ST3GAL1: variants seen among roughly 807,000 people sequenced by gnomAD.
ST3GAL1 encodes the protein ST3 beta-galactoside alpha-2,3-sialyltransferase 1.
ST3GAL1 carries 16 observed loss-of-function variants against 34.1 expected under a neutral mutation model. The observed-to-expected ratio is 0.47, with a 90% CI of 0.32 to 0.71. The LOEUF (loss-of-function observed/expected upper bound fraction) is 0.71, where lower values mean the gene tolerates loss of function less well. Ranked by LOEUF, ST3GAL1 falls within the 30% of genes least tolerant of loss-of-function variation. ST3GAL1 has a pLI of 0.04. For synonymous variants in ST3GAL1, 191 were observed against 184.7 expected (o/e 1.03, Z -0.28); for missense variants, 353 against 447.4 (o/e 0.79, Z 1.90).
chr8:133,533,113 T>C (rs979743267), intron 2 of ST3GAL1, among the ~76,000 whole-genome samples: 1 of 152,176 alleles, frequency 6.6e-6, no homozygotes, highest in African/African-American at 2.4e-5. Flanking sequence ...AATCCCTGGA[T>C]TTCCATGGAA....
At chr8:133,536,843 A>T (rs1818326302) in intron 2 of ST3GAL1, among the ~76,000 whole-genome samples, 1 of 152,164 alleles carries the variant, frequency 6.6e-6, no homozygotes, top group Admixed American at 6.5e-5. Flanking sequence ...CAAGTCTCAG[A>T]AAGTGTTATT....
intron 2 of ST3GAL1, among the ~76,000 whole-genome samples, chr8:133,535,651 A>C (rs762068820): frequency 5.9e-5 from 9 of 151,944 alleles, no homozygotes; most frequent in Admixed American, 4.6e-4. Flanking sequence ...ATTCCCGGCT[A>C]ATGTTTTCAC....
Position 133,461,792 on chromosome 8 carries a change from G to A in ST3GAL1, c.849+83C>T. Reference sequence around the variant, plus strand: ...CGGAAGAGGCAGGCTAGGTCTACCTGCCCTCCCCCTCCCTGGCCTCTCTTG... The same window carrying A: ...CGGAAGAGGCAGGCTAGGTCTACCTACCCTCCCCCTCCCTGGCCTCTCTTG... On this transcript the variant is annotated intron_variant, in intron 9 of 9. Transcript: ENST00000522652. The surrounding 1 kb of genome is among the most constrained non-coding windows in gnomAD (Gnocchi z 4.7). The A allele has an allele frequency of 6.3e-7, 1 of 1,580,766 alleles. No homozygotes were observed. Among genetic ancestry groups the A allele is most frequent in the Non-Finnish European group, 8.6e-7 (1 of 1,159,054 alleles).
In ST3GAL1 at chr8:133,455,438, T is replaced by G. The variant is rs1231097305; in HGVS notation, c.*4326A>C. ...AGATGCTGTCTTGCCTGTCTCTGCC[T>G]TTTCTTCTAAGTTTTCCTCCTTTTC... On this transcript the variant is annotated 3_prime_UTR_variant, in exon 10 of 10. Transcript: ENST00000522652. 1.3e-5 allele frequency: 2 copies of G among 152,274 alleles called. No individual in the cohort carries two copies. Among genetic ancestry groups the G allele is most frequent in the Non-Finnish European group, 2.9e-5 (2 of 68,058 alleles). The allele number at this position is 152,274 out of a possible 1,614,324, so 9.4% of individuals were successfully genotyped here.
At chr8:133,489,578 G>A (rs1312618403) in intron 3 of ST3GAL1, 1 of 152,244 alleles carries the variant, frequency 6.6e-6, no homozygotes, top group African/African-American at 2.4e-5. Flanking sequence ...ACACTGATAG[G>A]GTCTTTGGCA....
chr8:133,470,969 C>T (rs1815930455), intron 5 of ST3GAL1, among the ~76,000 whole-genome samples: 1 of 152,134 alleles, frequency 6.6e-6, no homozygotes, highest in Non-Finnish European at 1.5e-5. Context: ...CAGGCCACAC[C>T]CGTCCCGAGA....
At chr8:133,562,371 A>G (rs531196515) in intron 1 of ST3GAL1, among the ~76,000 whole-genome samples, 20 of 151,674 alleles carry the variant, frequency 1.3e-4, no homozygotes, top group African/African-American at 3.4e-4. Flanking sequence ...CATCATGTCC[A>G]GATAATTTTT....
chr8:133,496,808 C>CT, intron 3 of ST3GAL1, among the ~76,000 whole-genome samples: 2 of 152,220 alleles, frequency 1.3e-5, no homozygotes, highest in African/African-American at 4.8e-5. Flanking sequence ...ATTGTCCAGG[C>CT]CACGGCACCC....
chr8:133,479,209 G>A (rs1335005563), intron 3 of ST3GAL1, among the ~76,000 whole-genome samples: 1 of 125,378 alleles, frequency 8.0e-6, no homozygotes, highest in African/African-American at 3.0e-5. Context: ...CCTGGACAAG[G>A]TGGCTGGGGT....
chr8:133,465,021 A>C lies in ST3GAL1; in HGVS notation c.504-64T>G, dbSNP rs1035852013. On this transcript the variant is annotated intron_variant, in intron 6 of 9. Transcript: ENST00000522652. ...GGCACCCGTTCTCAGACAGCCTGAGAGCTCCGAGAGAGTGAGCCTCCAGTG... is the reference window on the plus strand; with the variant it reads ...GGCACCCGTTCTCAGACAGCCTGAGCGCTCCGAGAGAGTGAGCCTCCAGTG... 6 of 1,521,522 alleles carry C rather than the reference A, an allele frequency of 3.9e-6. No homozygotes were observed. In the African/African-American group the frequency reaches 4.1e-5, roughly 11 times the overall value. The allele number at this position is 1,521,522 out of a possible 1,614,324, so 94.3% of individuals were successfully genotyped here.
chr8:133,493,848 G>GAAA (rs57843566), intron 3 of ST3GAL1, among the ~76,000 whole-genome samples: 36 of 132,258 alleles, frequency 2.7e-4, no homozygotes, highest in East Asian at 4.5e-4. Context: ...TCTGTATCAG[G>GAAA]AAAAAAAAAA....
intron 5 of ST3GAL1, among the ~76,000 whole-genome samples, chr8:133,474,523 G>A (rs1202985011): frequency 6.6e-6 from 1 of 152,196 alleles, no homozygotes; most frequent in Non-Finnish European, 1.5e-5. Context: ...ATTCTACAGT[G>A]ATTTCCTGTT....
intron 1 of ST3GAL1, among the ~76,000 whole-genome samples, chr8:133,555,120 C>G (rs1818971130): frequency 6.6e-6 from 1 of 152,144 alleles, no homozygotes; most frequent in Non-Finnish European, 1.5e-5. Context: ...GGGGAGGAAG[C>G]AGGCCACCCC....
At chr8:133,529,469 A>C (rs1818080923) in intron 2 of ST3GAL1, among the ~76,000 whole-genome samples, 2 of 152,212 alleles carry the variant, frequency 1.3e-5, no homozygotes, top group Admixed American at 1.3e-4. Context: ...CAGGGGAGGC[A>C]GACAGGCAGA....
At chr8:133,490,942 A>G (rs1201585457) in intron 3 of ST3GAL1, among the ~76,000 whole-genome samples, 4 of 152,176 alleles carry the variant, frequency 2.6e-5, no homozygotes, top group African/African-American at 9.7e-5. Context: ...TCCTTTCTGC[A>G]TCGGCGCCTG....
rs1245099595 is a variant in ST3GAL1, at chr8:133,456,653, G to A, written c.*3111C>T. The A allele has an allele frequency of 6.6e-6, 1 of 152,292 alleles. No individual in the cohort carries two copies. The highest frequency in any genetic ancestry group is 2.4e-5 in the African/African-American group (1 of 41,462). The allele number at this position is 152,292 out of a possible 1,614,324, so 9.4% of individuals were successfully genotyped here. A position where few individuals can be genotyped will look rare whatever the true frequency, so the allele number is the denominator to read the frequency against. ...GCATTTAATTCTGGCTGCAACAACT[G>A]GATTCTGTTAAGTGCCCATTGCTAA... On this transcript the variant is annotated 3_prime_UTR_variant, in exon 10 of 10. Transcript: ENST00000522652.
intron 1 of ST3GAL1, among the ~76,000 whole-genome samples, chr8:133,565,145 G>A (rs539357965): frequency 7.3e-6 from 1 of 137,848 alleles, no homozygotes; most frequent in East Asian, 2.1e-4. Flanking sequence ...TAACAGCTCT[G>A]TGTGCCTGTG....
At chr8:133,517,345 T>C (rs1307570312) in intron 2 of ST3GAL1, among the ~76,000 whole-genome samples, 1 of 152,140 alleles carries the variant, frequency 6.6e-6, no homozygotes, top group Admixed American at 6.5e-5. Context: ...ACTTTTTTAT[T>C]TTTTTATTTT....
intron 3 of ST3GAL1, among the ~76,000 whole-genome samples, chr8:133,495,722 C>T (rs766215834): frequency 4.6e-5 from 7 of 152,162 alleles, no homozygotes; most frequent in Non-Finnish European, 8.8e-5. Context: ...ACCCCAAGCT[C>T]GGTGTTCCTG....
Sources: gnomAD v4.1 joint callset for allele counts (sites outside exome capture counted in the v4.1 genomes callset) on GRCh38, gnomAD v4.1.1 for gene constraint, Gnocchi (gnomAD v3.1) non-coding constraint, MANE v1.5 for transcripts, NCBI Gene and HGNC (gene_info 2026-07-23, HGNC 2026-07-21) for gene names.